The following ANKRD30BL variants were observed in gnomAD, a reference collection of about 807,000 sequenced individuals.
ANKRD30BL encodes the protein ankyrin repeat domain 30B like.
ANKRD30BL carries 20 observed loss-of-function variants against 18.4 expected under a neutral mutation model. That is an observed-to-expected ratio of 1.09 (90% CI 0.77 to 1.58). The LOEUF (loss-of-function observed/expected upper bound fraction) is 1.58. ANKRD30BL is among the 40% of genes most tolerant of loss of function. The pLI, the probability that ANKRD30BL is intolerant of heterozygous loss-of-function variation, is 0.00. For synonymous variants in ANKRD30BL, 72 were observed against 100.9 expected, an observed-to-expected ratio of 0.71 and a Z score of 1.72; for missense variants, 224 against 268.6, an observed-to-expected ratio of 0.83 and a Z score of 1.16.
chr2:132,218,526 A>G (rs1285209879), intron 1 of ANKRD30BL, among the ~76,000 whole-genome samples: 1 of 152,264 alleles, frequency 6.6e-6, no homozygotes, highest in Non-Finnish European at 1.5e-5. Flanking sequence ...CAACTCACAG[A>G]GTTGATAATT....
chr2:132,233,079 C>G (rs982794831), intron 1 of ANKRD30BL, among the ~76,000 whole-genome samples: 9 of 151,804 alleles, frequency 5.9e-5, no homozygotes, highest in African/African-American at 1.9e-4. Context: ...CATATCCAGC[C>G]AAACAAAGCT....
rs1679015443 is a variant in ANKRD30BL at position 132,198,323 on chromosome 2, T to TCTTTCTTTC, written n.442-41178_442-41177insGAAAGAAAG. Among the ~76,000 whole-genome samples, 4 of 8,100 alleles carry TCTTTCTTTC rather than the reference T, an allele frequency of 4.9e-4. No homozygotes were observed. The South Asian group carries it at 0.013, about 26-fold the overall frequency. The allele number at this position is 8,100 out of a possible 152,430, so 5.3% of individuals were successfully genotyped here. Reference sequence around the variant, plus strand: ...TTCTTTCTTTCTTTCTTTCTTTCTTTCTTTTTTTTTTTTTTTTTTAGACAG... The same window carrying TCTTTCTTTC: ...TTCTTTCTTTCTTTCTTTCTTTCTTTCTTTCTTTCCTTTTTTTTTTTTTTTTTTAGACAG... On this transcript the variant is annotated intron_variant and non_coding_transcript_variant, in intron 1 of 4. Transcript: ENST00000470729.
intron 1 of ANKRD30BL, among the ~76,000 whole-genome samples, chr2:132,207,116 A>T (rs1209996617): frequency 6.6e-6 from 1 of 152,150 alleles, no homozygotes; most frequent in South Asian, 2.1e-4. Flanking sequence ...CCTCACAGAC[A>T]TCAGGGGCTA....
At chr2:132,169,665 A>C (rs1284161988) in intron 1 of ANKRD30BL, among the ~76,000 whole-genome samples, 1 of 145,044 alleles carries the variant, frequency 6.9e-6, no homozygotes, top group Non-Finnish European at 1.5e-5. Context: ...AAAAAAAAAA[A>C]AAAGAGGTGA....
chr2:132,224,735 C>T (rs111922633), intron 1 of ANKRD30BL, among the ~76,000 whole-genome samples: 1 of 151,642 alleles, frequency 6.6e-6, no homozygotes, highest in East Asian at 1.9e-4. Context: ...TCATAGATCA[C>T]TTTTGATACA....
rs1351535337 is a variant in ANKRD30BL, at chr2:132,193,592, C to G, written n.442-36446G>C. On this transcript the variant is annotated intron_variant and non_coding_transcript_variant, in intron 1 of 4. Transcript: ENST00000470729. ...ATCTACTATTTGTATTACATACACT[C>G]TTCAAGAAGCAGCTAGACTCATGGA... Among the ~76,000 whole-genome samples the G allele has an allele frequency of 2.0e-5, 3 of 152,264 alleles. No individual in the cohort carries two copies. The East Asian group carries it at 5.8e-4, about 29-fold the overall frequency.
At chr2:132,167,504 A>G (rs1223313529) in intron 1 of ANKRD30BL, among the ~76,000 whole-genome samples, 1 of 151,952 alleles carries the variant, frequency 6.6e-6, no homozygotes, top group Non-Finnish European at 1.5e-5. Context: ...TGTATTTTTA[A>G]TAGAGACGGT....
Position 132,227,912 on chromosome 2 carries a change from G to A in ANKRD30BL, n.441+29617C>T, listed in dbSNP as rs539639500. ...CGCTTTGCAGCCTAAGTTAGAAAAGGAAATATCCTCACATAAAATCTAGAC... is the reference window on the plus strand; with the variant it reads ...CGCTTTGCAGCCTAAGTTAGAAAAGAAAATATCCTCACATAAAATCTAGAC... On this transcript the variant is annotated intron_variant and non_coding_transcript_variant, in intron 1 of 4. Transcript: ENST00000470729. Among the ~76,000 whole-genome samples, 237 of 152,196 alleles carry A rather than the reference G, an allele frequency of 1.6e-3. 1 individual carries two copies. Among genetic ancestry groups the A allele is most frequent in the African/African-American group, 5.3e-3 (220 of 41,574 alleles).
intron 1 of ANKRD30BL, among the ~76,000 whole-genome samples, chr2:132,204,878 G>C (rs1372797575): frequency 6.6e-6 from 1 of 152,164 alleles, no homozygotes; most frequent in South Asian, 2.1e-4. Flanking sequence ...AAGACAGAGG[G>C]GGAGAATCAG....
chr2:132,254,324 TCC>T (rs1680759925), intron 1 of ANKRD30BL, among the ~76,000 whole-genome samples: 1 of 128,262 alleles, frequency 7.8e-6, no homozygotes, highest in African/African-American at 2.9e-5. Context: ...TGGCGGCGTC[TCC>T]GTGGCTTCGC....
intron 5 of ANKRD30BL, among the ~76,000 whole-genome samples, chr2:132,148,601 C>T (rs1456625854): frequency 1.3e-5 from 2 of 151,830 alleles, no homozygotes; most frequent in Non-Finnish European, 2.9e-5. Context: ...AACTCCTGTG[C>T]TCAAGCAATC....
intron 1 of ANKRD30BL, among the ~76,000 whole-genome samples, chr2:132,188,396 A>C (rs1322019854): frequency 6.6e-6 from 1 of 152,208 alleles, no homozygotes; most frequent in Non-Finnish European, 1.5e-5. Flanking sequence ...GCGAGTAAGG[A>C]AAGTGGTAGA....
At chr2:132,171,154 C>CAA (rs34972551) in intron 1 of ANKRD30BL, among the ~76,000 whole-genome samples, 6,684 of 120,452 alleles carry the variant, frequency 0.055, 264 homozygotes, top group Middle Eastern at 0.17. Flanking sequence ...GACTCTGTCT[C>CAA]AAAAAAAAAA....
At chr2:132,211,779 GT>G (rs1488238339) in intron 1 of ANKRD30BL, among the ~76,000 whole-genome samples, 1 of 151,060 alleles carries the variant, frequency 6.6e-6, no homozygotes, top group Non-Finnish European at 1.5e-5. Context: ...AAACTTCTTT[GT>G]GATGTGTGCA....
At chr2:132,148,886 A>G (rs918175716) in intron 5 of ANKRD30BL, among the ~76,000 whole-genome samples, 1 of 152,192 alleles carries the variant, frequency 6.6e-6, no homozygotes, top group Non-Finnish European at 1.5e-5. Context: ...AAAAAATGAC[A>G]ATGATAATAG....
Position 132,187,505 on chromosome 2 carries a change from G to A in ANKRD30BL, n.442-30359C>T, listed in dbSNP as rs372075602. Among the ~76,000 whole-genome samples, 5 of 151,546 alleles carry A rather than the reference G, an allele frequency of 3.3e-5. No individual in the cohort carries two copies. In the South Asian group the frequency reaches 8.4e-4, roughly 25 times the overall value. On this transcript the variant is annotated intron_variant and non_coding_transcript_variant, in intron 1 of 4. Coordinates refer to the ANKRD30BL transcript ENST00000470729. ...AATTTTTTGTATTTTTAGTAGAGGC[G>A]GGTTTTCACCGTGTTAGCAAGGATG...
rs199970057 is a variant in ANKRD30BL at position 132,232,475 on chromosome 2, G to C, written n.441+25054C>G. ...GCACGTATAACTAGAATAACCAATA[G>C]AGAGAAGTGCTTAAAGGAGCTGATG... On this transcript the variant is annotated intron_variant and non_coding_transcript_variant, in intron 1 of 4. Coordinates refer to the ANKRD30BL transcript ENST00000470729. Among the ~76,000 whole-genome samples, 580 of 152,174 alleles carry C rather than the reference G, an allele frequency of 3.8e-3. 1 individual carries two copies. Among genetic ancestry groups the C allele is most frequent in the African/African-American group, 8.0e-3 (332 of 41,526 alleles).
At chr2:132,175,895 T>G (rs201124710) in intron 1 of ANKRD30BL, among the ~76,000 whole-genome samples, 1 of 36,340 alleles carries the variant, frequency 2.8e-5, no homozygotes, top group Non-Finnish European at 5.7e-5. Flanking sequence ...GCAAAGAGGT[T>G]GGGGCAAAGT....
At chr2:132,188,349 T>C (rs1678751074) in intron 1 of ANKRD30BL, among the ~76,000 whole-genome samples, 1 of 152,230 alleles carries the variant, frequency 6.6e-6, no homozygotes, top group Non-Finnish European at 1.5e-5. Flanking sequence ...AATTGTGCTA[T>C]TTTCAGTTTA....
Sources: gnomAD v4.1 joint callset for allele counts (sites outside exome capture counted in the v4.1 genomes callset) on GRCh38, gnomAD v4.1.1 for gene constraint, MANE v1.5 for transcripts, NCBI Gene and HGNC (gene_info 2026-07-23, HGNC 2026-07-21) for gene names.